Variants in PTPRD observed in about 807,000 individuals in gnomAD.
PTPRD encodes the protein receptor-type tyrosine-protein phosphatase delta.
PTPRD carries 34 observed loss-of-function variants against 214.5 expected under a neutral mutation model. The ratio of observed to expected loss-of-function variants is 0.16; its 90% CI spans 0.12 to 0.21. PTPRD has a LOEUF of 0.21. Among genes scored for constraint, PTPRD ranks in the 10% least tolerant of loss-of-function variants. The pLI is 1.00. For missense variants in PTPRD, 2,545 were observed against 2,398.7 expected, an observed-to-expected ratio of 1.06 and a Z score of -1.27; for synonymous variants, 1,128 against 845.7, an observed-to-expected ratio of 1.33 and a Z score of -5.79.
At chr9:9,788,852 T>C (rs1165678945) in intron 5 of PTPRD, among the ~76,000 whole-genome samples, 1 of 152,106 alleles carries the variant, frequency 6.6e-6, no homozygotes, top group Non-Finnish European at 1.5e-5. Flanking sequence ...ACTATCTAAC[T>C]CTTCTTTCAT....
At chr9:9,798,136 T>A (rs2099015654) in intron 5 of PTPRD, among the ~76,000 whole-genome samples, 1 of 152,142 alleles carries the variant, frequency 6.6e-6, no homozygotes, top group Admixed American at 6.5e-5. Context: ...CAGTGTCTGA[T>A]AATCATAAAT....
chr9:9,426,322 T>G (rs1292002158), intron 8 of PTPRD, among the ~76,000 whole-genome samples: 1 of 152,108 alleles, frequency 6.6e-6, no homozygotes, highest in Non-Finnish European at 1.5e-5. Context: ...AGCACAGCAG[T>G]CTGAGATCGA....
intron 3 of PTPRD, among the ~76,000 whole-genome samples, chr9:10,230,126 G>A (rs1244345700): frequency 6.6e-6 from 1 of 151,924 alleles, no homozygotes; most frequent in Non-Finnish European, 1.5e-5. Flanking sequence ...AGTATATTCA[G>A]CATCAGCTGA....
At chr9:8,647,604 C>G (rs1326026747) in intron 12 of PTPRD, among the ~76,000 whole-genome samples, 1 of 152,080 alleles carries the variant, frequency 6.6e-6, no homozygotes, top group Non-Finnish European at 1.5e-5. Flanking sequence ...GTAATCATAT[C>G]TTTGCACATA....
chr9:9,222,839 A>G (rs535442996), intron 9 of PTPRD, among the ~76,000 whole-genome samples: 129 of 152,160 alleles, frequency 8.5e-4, no homozygotes, highest in African/African-American at 2.8e-3. Flanking sequence ...TAATGTTAAC[A>G]TATATTCTTG....
At chr9:8,351,697 G>T (rs1218290727) in intron 39 of PTPRD, among the ~76,000 whole-genome samples, 1 of 136,644 alleles carries the variant, frequency 7.3e-6, no homozygotes, top group East Asian at 2.3e-4. Flanking sequence ...CAGAAAGTAA[G>T]GGGATATAGG....
chr9:8,626,243 G>C (rs1216725066), intron 14 of PTPRD, among the ~76,000 whole-genome samples: 1 of 151,836 alleles, frequency 6.6e-6, no homozygotes, highest in South Asian at 2.1e-4. Flanking sequence ...CCTCAATTAT[G>C]TATGAATGAC....
At chr9:9,426,478 A>T (rs1172224095) in intron 8 of PTPRD, among the ~76,000 whole-genome samples, 1 of 152,170 alleles carries the variant, frequency 6.6e-6, no homozygotes, top group Non-Finnish European at 1.5e-5. Flanking sequence ...TCCACCTCTG[A>T]CGGCAGAGCA....
At chr9:8,934,421 GTATATATATATATAAATATATATATAAA>G (rs2098975833) in intron 11 of PTPRD, among the ~76,000 whole-genome samples, 1 of 27,338 alleles carries the variant, frequency 3.7e-5, no homozygotes, top group Non-Finnish European at 6.1e-5. Flanking sequence ...GTGTGTGTGT[GTATATATATATATAAATATATATATAAA>G]TTTATATATA....
At chr9:9,334,161 C>G (rs1360570374) in intron 9 of PTPRD, among the ~76,000 whole-genome samples, 1 of 151,918 alleles carries the variant, frequency 6.6e-6, no homozygotes, top group Non-Finnish European at 1.5e-5. Flanking sequence ...TAAAAATTTA[C>G]TTAAGTCTCA....
chr9:10,518,631 C>A (rs1188377155), intron 2 of PTPRD, among the ~76,000 whole-genome samples: 2 of 151,848 alleles, frequency 1.3e-5, no homozygotes, highest in Middle Eastern at 3.4e-3. Flanking sequence ...CTCCCAGGTT[C>A]ACGCCATTCT....
intron 14 of PTPRD, among the ~76,000 whole-genome samples, chr9:8,609,085 G>C (rs941783536): frequency 2.6e-5 from 4 of 152,258 alleles, no homozygotes; most frequent in South Asian, 2.1e-4. Flanking sequence ...CTCACATCTT[G>C]TCTCATCTTA....
intron 8 of PTPRD, among the ~76,000 whole-genome samples, chr9:9,449,005 G>T (rs74890299): frequency 5.3e-5 from 8 of 152,030 alleles, no homozygotes; most frequent in Non-Finnish European, 1.0e-4. Context: ...TTTCAGCTTC[G>T]CAAAGCATGT....
At chr9:9,283,344 G>A (rs1005672511) in intron 9 of PTPRD, among the ~76,000 whole-genome samples, 3 of 151,486 alleles carry the variant, frequency 2.0e-5, no homozygotes, top group African/African-American at 7.3e-5. Flanking sequence ...TAAATCAGAA[G>A]TATATTCATT....
intron 10 of PTPRD, among the ~76,000 whole-genome samples, chr9:9,157,291 T>A (rs1421430418): frequency 2.0e-5 from 3 of 151,548 alleles, no homozygotes; most frequent in African/African-American, 4.8e-5. Context: ...AGAGCAGAGA[T>A]AAATGAAACA....
intron 4 of PTPRD, among the ~76,000 whole-genome samples, chr9:9,965,361 A>C (rs1472878416): frequency 6.6e-6 from 1 of 152,154 alleles, no homozygotes; most frequent in South Asian, 2.1e-4. Context: ...AAGGCTTTCA[A>C]AACGGAGGAG....
intron 7 of PTPRD, among the ~76,000 whole-genome samples, chr9:9,699,110 A>G (rs1313564356): frequency 6.6e-6 from 1 of 152,140 alleles, no homozygotes; most frequent in Non-Finnish European, 1.5e-5. Flanking sequence ...GAATAATCCA[A>G]TTTTCTAAAA....
intron 10 of PTPRD, among the ~76,000 whole-genome samples, chr9:9,060,381 G>T (rs559078870): frequency 6.6e-6 from 1 of 152,208 alleles, no homozygotes; most frequent in East Asian, 1.9e-4. Flanking sequence ...ACAACATAAT[G>T]TTATAGGTAA....
intron 7 of PTPRD, among the ~76,000 whole-genome samples, chr9:9,610,059 G>A (rs569407404): frequency 3.8e-4 from 58 of 152,090 alleles, no homozygotes; most frequent in African/African-American, 1.3e-3. Flanking sequence ...TCTGGATTCC[G>A]TAGACATTTT....
Sources: allele counts gnomAD v4.1 joint callset (sites outside exome capture counted in the v4.1 genomes callset), GRCh38; gene constraint gnomAD v4.1.1; transcripts MANE v1.5; gene names NCBI Gene and HGNC (gene_info 2026-07-23, HGNC 2026-07-21).